SH2D4B: variants seen among roughly 807,000 people sequenced by gnomAD.
SH2D4B encodes SH2 domain containing 4B, also known as SH2 domain-containing protein 4B.
SH2D4B carries 45 observed loss-of-function variants against 61.5 expected under a neutral mutation model. The observed-to-expected ratio is 0.73, with a 90% CI of 0.58 to 0.94. The LOEUF is 0.94. Ranked by LOEUF, SH2D4B falls within the 40% of genes least tolerant of loss-of-function variation. The pLI, the probability that SH2D4B is intolerant of heterozygous loss-of-function variation, is 0.00. For synonymous variants in SH2D4B, 224 were observed against 220.4 expected (o/e 1.02, Z -0.14); for missense variants, 572 against 574.2 (o/e 1.00, Z 0.04).
chr10:80,591,716 G>A (rs1219875048), intron 4 of SH2D4B, among the ~76,000 whole-genome samples: 3 of 152,012 alleles, frequency 2.0e-5, no homozygotes. Context: ...GGTCAGGCTG[G>A]TCTGGAACTC....
intron 1 of SH2D4B, among the ~76,000 whole-genome samples, chr10:80,543,338 G>A (rs1301524962): frequency 6.6e-6 from 1 of 152,092 alleles, no homozygotes; most frequent in African/African-American, 2.4e-5. Context: ...CCCCGCACTC[G>A]GAGCGGCCGG....
rs745667214 is a variant in SH2D4B at position 80,571,584 on chromosome 10, C to T, written c.495+6C>T. 2.5e-6 allele frequency: 4 copies of T among 1,613,132 alleles called. No homozygotes were observed. Among genetic ancestry groups the T allele is most frequent in the Non-Finnish European group, 2.5e-6 (3 of 1,179,810 alleles). On this transcript the variant is annotated splice_donor_region_variant and intron_variant, in intron 3 of 7. Coordinates refer to ENST00000646907, the MANE Select transcript of SH2D4B (RefSeq NM_001388272.1). ...GCATCCACGAGGAATTCAAGGTGGG[C>T]CAGCGCATGGGGCCCCTGCGTGCGG...
At chr10:80,613,706 C>T (rs1157859164) in intron 6 of SH2D4B, among the ~76,000 whole-genome samples, 1 of 152,222 alleles carries the variant, frequency 6.6e-6, no homozygotes, top group Non-Finnish European at 1.5e-5. Context: ...GAGGAGGATA[C>T]TCCCCAGCCA....
intron 5 of SH2D4B, among the ~76,000 whole-genome samples, chr10:80,604,567 C>T (rs906693818): frequency 2.6e-5 from 4 of 152,160 alleles, no homozygotes; most frequent in Non-Finnish European, 5.9e-5. Context: ...CAGTCACCCC[C>T]AGATAATGAA....
At chr10:80,587,083 T>A (rs1477769727) in intron 3 of SH2D4B, among the ~76,000 whole-genome samples, 1 of 150,534 alleles carries the variant, frequency 6.6e-6, no homozygotes, top group Non-Finnish European at 1.5e-5. Flanking sequence ...GGTCCGCGGC[T>A]TCATTCTTGA....
rs756460768 is a variant in SH2D4B at position 80,585,874 on chromosome 10, G to GA, written c.496-2755dup. The stretch of plus-strand genomic sequence containing the variant: ...CTCCTTCAGCTTGCAGGGAGGTGTG[G>GA]AGGGAGAGGCACAAGCAGGAACCGG... On this transcript the variant is annotated intron_variant, in intron 3 of 7. Transcript: ENST00000646907. Among the ~76,000 whole-genome samples, 5 of 151,982 alleles carry GA rather than the reference G, an allele frequency of 3.3e-5. No homozygotes were observed. In the South Asian group the frequency reaches 6.2e-4, roughly 19 times the overall value.
intron 6 of SH2D4B, among the ~76,000 whole-genome samples, chr10:80,611,175 CAAAAAA>C (rs35997031): frequency 8.9e-5 from 4 of 45,036 alleles, no homozygotes; most frequent in Admixed American, 3.3e-4. Flanking sequence ...GACTCAGTCT[CAAAAAA>C]AAAAAAAAAA....
chr10:80,639,151 C>CT (rs1840243252), intron 7 of SH2D4B, among the ~76,000 whole-genome samples: 1 of 152,134 alleles, frequency 6.6e-6, no homozygotes, highest in Admixed American at 6.5e-5. Context: ...GTCTGAGAGA[C>CT]AGTTTGTTGT....
intron 6 of SH2D4B, among the ~76,000 whole-genome samples, chr10:80,616,821 ATTT>A (rs1842666474): frequency 6.6e-6 from 1 of 152,206 alleles, no homozygotes; most frequent in African/African-American, 2.4e-5. Context: ...AACATCCAGT[ATTT>A]CACTTACTTC....
intron 6 of SH2D4B, among the ~76,000 whole-genome samples, chr10:80,616,165 A>AT (rs1193918607): frequency 6.6e-6 from 1 of 152,168 alleles, no homozygotes; most frequent in Non-Finnish European, 1.5e-5. Flanking sequence ...ATCTTGAAAT[A>AT]TTTTTTAAAA....
At chr10:80,622,153 T>A (rs1842721946) in intron 6 of SH2D4B, among the ~76,000 whole-genome samples, 1 of 152,192 alleles carries the variant, frequency 6.6e-6, no homozygotes, top group Non-Finnish European at 1.5e-5. Flanking sequence ...CATGGCTTAT[T>A]ATCATCAGAA....
At chr10:80,581,581 G>A (rs917084817) in intron 3 of SH2D4B, among the ~76,000 whole-genome samples, 1 of 152,154 alleles carries the variant, frequency 6.6e-6, no homozygotes, top group African/African-American at 2.4e-5. Flanking sequence ...CAGAGGGAAG[G>A]CTGTGAGTGA....
intron 1 of SH2D4B, among the ~76,000 whole-genome samples, chr10:80,554,877 T>TG (rs950652344): frequency 1.8e-4 from 27 of 151,818 alleles, no homozygotes; most frequent in African/African-American, 6.3e-4. Context: ...GGCGTAGTGG[T>TG]GGGCACCTGT....
chr10:80,609,323 A>ACCTTCCTCTC (rs1842563303), intron 5 of SH2D4B, 101 bp from the exon 6 acceptor site: 1 of 778,164 alleles, frequency 1.3e-6, no homozygotes. Flanking sequence ...TCCTCCTTTT[A>ACCTTCCTCTC]CCTTCCTCTC....
intron 1 of SH2D4B, among the ~76,000 whole-genome samples, chr10:80,547,462 G>A (rs531374378): frequency 1.3e-5 from 2 of 152,248 alleles, no homozygotes; most frequent in African/African-American, 4.8e-5. Context: ...TGGGAAGTCA[G>A]GGGAGCAGAT....
At chr10:80,596,924 T>C (rs1419749740) in intron 4 of SH2D4B, among the ~76,000 whole-genome samples, 1 of 152,160 alleles carries the variant, frequency 6.6e-6, no homozygotes, top group Non-Finnish European at 1.5e-5. Context: ...TATTCTTGGG[T>C]TCTGCATCTG....
At chr10:80,597,354 C>T (rs1015968020) in intron 4 of SH2D4B, among the ~76,000 whole-genome samples, 2 of 152,028 alleles carry the variant, frequency 1.3e-5, no homozygotes, top group Non-Finnish European at 2.9e-5. Flanking sequence ...GTAGGTGTGC[C>T]AACATAGGTT....
chr10:80,630,730 G>T (rs994908328), intron 6 of SH2D4B, among the ~76,000 whole-genome samples: 3 of 152,170 alleles, frequency 2.0e-5, no homozygotes, highest in African/African-American at 7.2e-5. Context: ...CATGATTCTG[G>T]GGAGAGAAGA....
At chr10:80,639,035 C>T (rs189540389) in intron 7 of SH2D4B, among the ~76,000 whole-genome samples, 1,708 of 152,268 alleles carry the variant, frequency 0.011, 28 homozygotes, top group African/African-American at 0.04. Flanking sequence ...GCCTTCTTTT[C>T]GTTATGTACC....
Sources: allele counts gnomAD v4.1 joint callset (sites outside exome capture counted in the v4.1 genomes callset), GRCh38; gene constraint gnomAD v4.1.1; transcripts MANE v1.5; gene names NCBI Gene and HGNC (gene_info 2026-07-23, HGNC 2026-07-21).